PKIA: variants seen among roughly 807,000 people sequenced by gnomAD.
PKIA encodes the protein cAMP-dependent protein kinase inhibitor alpha.
Under a neutral mutation model 7.6 loss-of-function variants are expected in PKIA, and 4 were observed. The ratio of observed to expected loss-of-function variants is 0.52; its 90% CI spans 0.26 to 1.20. The LOEUF (loss-of-function observed/expected upper bound fraction) is 1.20, where lower values mean the gene tolerates loss of function less well. PKIA is among the 50% of genes most tolerant of loss of function. The pLI is 0.13. For missense variants in PKIA, 73 were observed against 86.2 expected (o/e 0.85, Z 0.61); for synonymous variants, 21 against 30.7 (o/e 0.68, Z 1.04).
chr8:78,594,213 G>A (rs1808173799), intron 2 of PKIA, among the ~76,000 whole-genome samples: 1 of 152,088 alleles, frequency 6.6e-6, no homozygotes, highest in Admixed American at 6.6e-5. Context: ...GAGTTTTGAG[G>A]GCTAAATCTA....
At chr8:78,579,766 T>C (rs1807762877) in intron 2 of PKIA, among the ~76,000 whole-genome samples, 1 of 152,088 alleles carries the variant, frequency 6.6e-6, no homozygotes, top group Admixed American at 6.6e-5. Context: ...CAATATTTAA[T>C]GCATAAGAAT....
chr8:78,548,776 T>C (rs1346842618), intron 1 of PKIA, among the ~76,000 whole-genome samples: 1 of 152,070 alleles, frequency 6.6e-6, no homozygotes, highest in Non-Finnish European at 1.5e-5. Context: ...TACTATACTT[T>C]CCAATAATTA....
chr8:78,598,610 G>C, intron 3 of PKIA, 75 bp downstream of exon 3: 1 of 1,161,038 alleles, frequency 8.6e-7, no homozygotes, highest in Admixed American at 2.0e-5. Flanking sequence ...ATTAAGGCAC[G>C]AAAAGCCATC....
At chr8:78,549,377 A>G (rs1806920309) in intron 1 of PKIA, among the ~76,000 whole-genome samples, 1 of 151,948 alleles carries the variant, frequency 6.6e-6, no homozygotes, top group African/African-American at 2.4e-5. Context: ...TTTTATAATA[A>G]AAAAGGTGGC....
At chr8:78,580,866 T>G (rs1563588017) in intron 2 of PKIA, among the ~76,000 whole-genome samples, 1 of 152,046 alleles carries the variant, frequency 6.6e-6, no homozygotes, top group Non-Finnish European at 1.5e-5. Context: ...AGTGCTGGTT[T>G]TCAATATATT....
At chr8:78,521,672 C>T (rs934475774) in intron 1 of PKIA, among the ~76,000 whole-genome samples, 3 of 151,820 alleles carry the variant, frequency 2.0e-5, no homozygotes, top group African/African-American at 7.3e-5. Context: ...TAATGTGCTC[C>T]ATATCAGGTA....
chr8:78,601,025 C>A (rs1808338650), intron 3 of PKIA, among the ~76,000 whole-genome samples: 1 of 152,034 alleles, frequency 6.6e-6, no homozygotes, highest in South Asian at 2.1e-4. Flanking sequence ...TCTAGAATTG[C>A]CAACAGCTTG....
chr8:78,568,850 G>T (rs7823143), intron 1 of PKIA, among the ~76,000 whole-genome samples: 4,825 of 152,220 alleles, frequency 0.032, 230 homozygotes, highest in African/African-American at 0.11. Context: ...CATGATCCAT[G>T]ACTTTTGTTT....
chr8:78,545,393 T>C (rs529758520), intron 1 of PKIA, among the ~76,000 whole-genome samples: 1 of 152,268 alleles, frequency 6.6e-6, no homozygotes, highest in Admixed American at 6.5e-5. Context: ...AGCTTGGATT[T>C]TTTTTAATGG....
chr8:78,573,663 C>T (rs1807609049), intron 2 of PKIA, among the ~76,000 whole-genome samples: 1 of 151,924 alleles, frequency 6.6e-6, no homozygotes, highest in Non-Finnish European at 1.5e-5. Context: ...TTAATATATA[C>T]ATTTAGCACA....
At chr8:78,592,472 A>G (rs555071252) in intron 2 of PKIA, among the ~76,000 whole-genome samples, 11 of 152,266 alleles carry the variant, frequency 7.2e-5, no homozygotes, top group African/African-American at 2.4e-4. Context: ...AATTGGATGC[A>G]CATGGAACTA....
chr8:78,537,503 A>G (rs1161067864), intron 1 of PKIA, among the ~76,000 whole-genome samples: 1 of 151,872 alleles, frequency 6.6e-6, no homozygotes, highest in Non-Finnish European at 1.5e-5. Flanking sequence ...GCACCACCAA[A>G]AGTCTTCAAT....
At chr8:78,589,894 G>C (rs1235623077) in intron 2 of PKIA, among the ~76,000 whole-genome samples, 1 of 152,146 alleles carries the variant, frequency 6.6e-6, no homozygotes, top group Non-Finnish European at 1.5e-5. Context: ...GTGCAACTGT[G>C]GGTTGAGAGC....
chr8:78,543,904 A>G (rs1446176934), intron 1 of PKIA, among the ~76,000 whole-genome samples: 1 of 152,098 alleles, frequency 6.6e-6, no homozygotes, highest in East Asian at 1.9e-4. Flanking sequence ...CTATGGCTGC[A>G]GCTCCGTTAT....
intron 2 of PKIA, among the ~76,000 whole-genome samples, chr8:78,586,088 C>T (rs889000191): frequency 3.9e-5 from 6 of 152,122 alleles, no homozygotes; most frequent in African/African-American, 1.2e-4. Context: ...CCACTGCACC[C>T]CTGCTCCCTT....
intron 1 of PKIA, among the ~76,000 whole-genome samples, chr8:78,540,417 A>C (rs1421951558): frequency 1.3e-5 from 2 of 152,102 alleles, no homozygotes; most frequent in Non-Finnish European, 2.9e-5. Flanking sequence ...TGTATAAAGC[A>C]CTTCAAGCAT....
intron 2 of PKIA, among the ~76,000 whole-genome samples, chr8:78,578,493 C>T (rs537540020): frequency 4.6e-5 from 7 of 151,994 alleles, no homozygotes; most frequent in Non-Finnish European, 1.0e-4. Flanking sequence ...TTTCACATTT[C>T]CAGTTCCTAT....
At chr8:78,598,827 T>A (rs1239720890) in intron 3 of PKIA, among the ~76,000 whole-genome samples, 2 of 152,078 alleles carry the variant, frequency 1.3e-5, no homozygotes, top group Non-Finnish European at 2.9e-5. Flanking sequence ...CTATAAAAGC[T>A]GAAATTGCTT....
intron 1 of PKIA, among the ~76,000 whole-genome samples, chr8:78,525,395 G>C (rs1809522966): frequency 6.6e-6 from 1 of 151,642 alleles, no homozygotes; most frequent in African/African-American, 2.4e-5. Context: ...TGAGATAGTG[G>C]GCCTGTCACA....
Sources: allele counts gnomAD v4.1 joint callset (sites outside exome capture counted in the v4.1 genomes callset), GRCh38; gene constraint gnomAD v4.1.1; transcripts MANE v1.5; gene names NCBI Gene and HGNC (gene_info 2026-07-23, HGNC 2026-07-21).